The following ZNF713 variants were observed in gnomAD, a reference collection of about 807,000 sequenced individuals.
The protein encoded by ZNF713 is zinc finger protein 713.
A neutral mutation model predicts 28.7 loss-of-function variants in ZNF713; 21 were observed. That is an observed-to-expected ratio of 0.73 (90% confidence interval 0.52 to 1.05). The LOEUF is 1.05. ZNF713 is among the 50% of genes least tolerant of loss of function. The pLI is 0.00. For missense variants in ZNF713, 458 were observed against 532.4 expected (o/e 0.86, Z 1.37); for synonymous variants, 167 against 178.0 (o/e 0.94, Z 0.49).
chr7:55,897,790 A>G (rs1303636625), intron 1 of ZNF713, among the ~76,000 whole-genome samples: 2 of 152,184 alleles, frequency 1.3e-5, no homozygotes, highest in African/African-American at 4.8e-5. Context: ...GAACATATTG[A>G]CGTCATAAAC....
At chr7:55,918,253 C>G (rs1785924533) in intron 4 of ZNF713, 2 of 282,152 alleles carry the variant, frequency 7.1e-6, no homozygotes, top group South Asian at 3.2e-5. Context: ...GCCCACAGCC[C>G]TAGCCGAGCT....
At chr7:55,904,915 C>T (rs993359828) in intron 1 of ZNF713, among the ~76,000 whole-genome samples, 3 of 151,964 alleles carry the variant, frequency 2.0e-5, no homozygotes, top group Non-Finnish European at 2.9e-5. Context: ...TTAGTAGGGA[C>T]GGGGTTTCAC....
intron 4 of ZNF713, among the ~76,000 whole-genome samples, chr7:55,919,491 T>TTTTTTTTG (rs1785946863): frequency 3.9e-4 from 5 of 12,840 alleles, no homozygotes; most frequent in African/African-American, 2.2e-3. Flanking sequence ...AACACTCCAG[T>TTTTTTTTG]TTTTTTTTTT....
rs549379124 is a variant in ZNF713 at position 55,942,045 on chromosome 7, C to T, written c.*2039C>T. The T allele has an allele frequency of 6.6e-6, 1 of 151,924 alleles. No homozygotes were observed. Among genetic ancestry groups the T allele is most frequent in the East Asian group, 1.9e-4 (1 of 5,166 alleles). The allele number at this position is 151,924 out of a possible 1,614,324, so 9.4% of individuals were successfully genotyped here. On this transcript the variant is annotated 3_prime_UTR_variant, in exon 7 of 7. Transcript: ENST00000429591. ...AATTATTTCTGCTGTATTTGTAGAA[C>T]AGAAGTTTTGGGATTTTGTAAAATA... is the stretch of plus-strand genomic sequence containing the variant.
chr7:55,902,991 C>T (rs1385440928), intron 1 of ZNF713, among the ~76,000 whole-genome samples: 1 of 47,744 alleles, frequency 2.1e-5, no homozygotes, highest in Non-Finnish European at 3.5e-5. Flanking sequence ...AAAACTCCGT[C>T]TCAAAAAAAA....
At chr7:55,887,882 G>GC (rs1785303785) in intron 1 of ZNF713, among the ~76,000 whole-genome samples, 1 of 107,586 alleles carries the variant, frequency 9.3e-6, no homozygotes, top group Non-Finnish European at 1.8e-5. Flanking sequence ...GGCGGCGGCG[G>GC]CGGCGGGCGG....
At position 55,939,800 on chromosome 7, in the gene ZNF713, G is replaced by A; in HGVS notation, c.1126G>A (p.Gly376Ser). Residue 376 changes from glycine (G) to serine (S), a missense_variant, in exon 7 of 7, where the codon GGC (glycine) becomes AGC (serine). Gly to Ser is a moderately conservative substitution (Grantham distance 56, BLOSUM62 0). Coordinates refer to ENST00000429591, the MANE Select transcript of ZNF713 (RefSeq NM_182633.3). ...GAAACCTTACGAATGTGGTTTCTGT[G>A]GCAAAGCCTTCAGTCAGAGGACACA... ...GEKPYECGFC[G>S]KAFSQRTHLN... 3 of 1,614,114 alleles carry A rather than the reference G, an allele frequency of 1.9e-6. No homozygotes were observed. Among genetic ancestry groups the A allele is most frequent in the Non-Finnish European group, 2.5e-6 (3 of 1,180,022 alleles).
chr7:55,919,452 G>A (rs1362696889), intron 4 of ZNF713, among the ~76,000 whole-genome samples: 6 of 94,518 alleles, frequency 6.3e-5, no homozygotes, highest in African/African-American at 3.0e-4. Context: ...TGTGGCATTT[G>A]TATTGTAGTG....
chr7:55,939,871 A>G lies in ZNF713; in HGVS notation c.1197A>G (p.Lys399=), dbSNP rs368123783. ...CTCATACAGGAGAGAAACCCTATAA[A>G]TGTAATGAATGCGGGAAAGCCTTTA... ...ERTHTGEKPY[K]CNECGKAFSQ... Residue 399 remains lysine, a synonymous_variant, in exon 7 of 7, where the codon AAA becomes AAG. Transcript: ENST00000429591. The G allele has an allele frequency of 1.2e-6, 2 of 1,614,038 alleles. No individual in the cohort carries two copies. Among genetic ancestry groups the G allele is most frequent in the Non-Finnish European group, 1.7e-6 (2 of 1,179,994 alleles).
intron 6 of ZNF713, 138 bp downstream of exon 6, chr7:55,923,837 A>G: frequency 1.8e-6 from 1 of 563,462 alleles, no homozygotes; most frequent in Non-Finnish European, 3.1e-6. Context: ...TTCATATTTT[A>G]TATTTTTCTG....
chr7:55,937,303 ATAAAATTAAAAT>A (rs145677374), intron 6 of ZNF713, among the ~76,000 whole-genome samples: 3 of 151,904 alleles, frequency 2.0e-5, no homozygotes, highest in Admixed American at 6.6e-5. Context: ...CTGTCTCCAG[ATAAAATTAAAAT>A]TAAAATTAAA....
intron 1 of ZNF713, among the ~76,000 whole-genome samples, chr7:55,899,436 G>C (rs867584326): frequency 0.031 from 916 of 29,584 alleles, 23 homozygotes; most frequent in East Asian, 0.15. Context: ...AGGCCGAGGG[G>C]GGGGGGGGGG....
intron 4 of ZNF713, among the ~76,000 whole-genome samples, chr7:55,916,203 A>C (rs1785878640): frequency 6.6e-6 from 1 of 152,266 alleles, no homozygotes; most frequent in African/African-American, 2.4e-5. Context: ...CAAAGTCCTT[A>C]AGATGGCCTA....
At chr7:55,932,659 T>C (rs1043846652) in intron 6 of ZNF713, among the ~76,000 whole-genome samples, 1 of 129,730 alleles carries the variant, frequency 7.7e-6, no homozygotes, top group Non-Finnish European at 1.7e-5. Context: ...CCGAGGCGGG[T>C]GGATCATGAG....
intron 5 of ZNF713, 118 bp downstream of exon 5, chr7:55,923,406 C>T: frequency 7.2e-7 from 1 of 1,386,648 alleles, no homozygotes; most frequent in Middle Eastern, 1.9e-4. Context: ...GAATGCTAAT[C>T]AGTTTTGGAG....
At chr7:55,904,782 A>G (rs1013076225) in intron 1 of ZNF713, among the ~76,000 whole-genome samples, 1 of 152,152 alleles carries the variant, frequency 6.6e-6, no homozygotes, top group African/African-American at 2.4e-5. Flanking sequence ...GCTGGAGTGC[A>G]GTGGCTTGAT....
intron 6 of ZNF713, among the ~76,000 whole-genome samples, chr7:55,937,853 A>T (rs1047525013): frequency 4.6e-5 from 7 of 152,062 alleles, no homozygotes; most frequent in Non-Finnish European, 8.8e-5. Flanking sequence ...ACAGGGAGCT[A>T]TGATCATGCC....
chr7:55,894,199 A>G (rs1785435785), intron 1 of ZNF713, among the ~76,000 whole-genome samples: 1 of 152,198 alleles, frequency 6.6e-6, no homozygotes, highest in Non-Finnish European at 1.5e-5. Flanking sequence ...CCTCAGGCAA[A>G]CAAAGACACT....
chr7:55,895,159 G>A (rs999995496), intron 1 of ZNF713, among the ~76,000 whole-genome samples: 4 of 152,194 alleles, frequency 2.6e-5, no homozygotes, highest in Admixed American at 6.5e-5. Context: ...AAGGAGATAA[G>A]TTAGAAGGGA....
Sources: allele counts gnomAD v4.1 joint callset (sites outside exome capture counted in the v4.1 genomes callset), GRCh38; gene constraint gnomAD v4.1.1; transcripts MANE v1.5; gene names NCBI Gene and HGNC (gene_info 2026-07-23, HGNC 2026-07-21).